Variants in MCTP1 observed in about 807,000 individuals in gnomAD.
MCTP1 encodes the protein multiple C2 and transmembrane domain containing 1.
Under a neutral mutation model 120.6 loss-of-function variants are expected in MCTP1, and 69 were observed. The ratio of observed to expected loss-of-function variants is 0.57; its 90% CI spans 0.47 to 0.70. The LOEUF is 0.70. Ranked by LOEUF, MCTP1 falls within the 30% of genes least tolerant of loss-of-function variation. The pLI, the probability that MCTP1 is intolerant of heterozygous loss-of-function variation, is 0.00. For synonymous variants in MCTP1, 529 were observed against 493.1 expected, an observed-to-expected ratio of 1.07 and a Z score of -0.96; for missense variants, 1,203 against 1,248.8, an observed-to-expected ratio of 0.96 and a Z score of 0.55.
At chr5:95,233,976 A>G (rs973528361) in intron 1 of MCTP1, among the ~76,000 whole-genome samples, 1 of 152,102 alleles carries the variant, frequency 6.6e-6, no homozygotes, top group African/African-American at 2.4e-5. Context: ...GACTATCAAT[A>G]AAACTGATAA....
intron 2 of MCTP1, among the ~76,000 whole-genome samples, chr5:94,973,990 T>G (rs945449026): frequency 1.3e-5 from 2 of 152,116 alleles, no homozygotes; most frequent in Non-Finnish European, 2.9e-5. Context: ...TTTAATTACA[T>G]AATACATATC....
chr5:94,753,406 T>C (rs1768966986), intron 19 of MCTP1, among the ~76,000 whole-genome samples: 1 of 152,180 alleles, frequency 6.6e-6, no homozygotes, highest in Non-Finnish European at 1.5e-5. Flanking sequence ...GCAGTATTCT[T>C]ATAGGGAAAA....
At chr5:94,753,086 A>G (rs991439418) in intron 19 of MCTP1, among the ~76,000 whole-genome samples, 2 of 152,238 alleles carry the variant, frequency 1.3e-5, no homozygotes, top group Non-Finnish European at 2.9e-5. Flanking sequence ...ATGAACTCTC[A>G]GGTCCTAATT....
chr5:95,063,604 A>C (rs536662865), intron 1 of MCTP1, among the ~76,000 whole-genome samples: 1 of 152,180 alleles, frequency 6.6e-6, no homozygotes, highest in African/African-American at 2.4e-5. Context: ...ACTACAGCAC[A>C]CTCTTTATTC....
intron 8 of MCTP1, among the ~76,000 whole-genome samples, chr5:94,916,450 G>A (rs1810082417): frequency 6.6e-6 from 1 of 152,152 alleles, no homozygotes; most frequent in African/African-American, 2.4e-5. Context: ...GGGAGGTTGT[G>A]TGTTCAGGGG....
At chr5:94,792,401 C>A (rs1779171616) in intron 18 of MCTP1, 1 of 152,278 alleles carries the variant, frequency 6.6e-6, no homozygotes, top group African/African-American at 2.4e-5. Context: ...GTCATGAAGA[C>A]AAAAGGGGTT....
rs191187101 is a variant in MCTP1 at position 95,020,239 on chromosome 5, T to C, written c.721-2755A>G. On this transcript the variant is annotated intron_variant, in intron 1 of 22. Transcript: ENST00000515393. ...AGTGCTTCTTGAAGTTTAGCATGCA[T>C]AGAATTTGTAGAGTATCAGGTTTTA... 5.7e-4 allele frequency among the ~76,000 whole-genome samples: 87 copies of C among 152,162 alleles called. No homozygotes were observed. The South Asian group carries it at 9.9e-3, about 17-fold the overall frequency.
At position 94,982,884 on chromosome 5, in the gene MCTP1, C is replaced by CAA. The variant is rs34561115; in HGVS notation, c.839-29525_839-29524dup. Among the ~76,000 whole-genome samples the CAA allele has an allele frequency of 5.2e-3, 150 of 28,612 alleles. 15 individuals are homozygous for CAA. Among genetic ancestry groups the CAA allele is most frequent in the African/African-American group, 8.9e-3 (109 of 12,188 alleles). 18.8% of individuals were successfully genotyped at this position (28,612 alleles called of 152,430 possible). On this transcript the variant is annotated intron_variant, in intron 2 of 22. Coordinates refer to ENST00000515393, the MANE Select transcript of MCTP1 (RefSeq NM_024717.7). ...ACCTGGGGGACAGAGCACACTTCATCAAAAAAAAAAAAAAAAAAAAAAAAA... is the reference window on the plus strand; with the variant it reads ...ACCTGGGGGACAGAGCACACTTCATCAAAAAAAAAAAAAAAAAAAAAAAAAAA...
chr5:95,022,812 A>G (rs1581888605), intron 1 of MCTP1, among the ~76,000 whole-genome samples: 1 of 152,308 alleles, frequency 6.6e-6, no homozygotes, highest in African/African-American at 2.4e-5. Context: ...CTTAAAATGA[A>G]ACCCTGTCCA....
intron 5 of MCTP1, among the ~76,000 whole-genome samples, chr5:94,938,682 C>G (rs1489356103): frequency 1.3e-5 from 2 of 151,884 alleles, no homozygotes; most frequent in Non-Finnish European, 2.9e-5. Context: ...CTATTGTATC[C>G]TAAGTGTCTG....
chr5:95,283,077 C>G (rs917938685), intron 1 of MCTP1, among the ~76,000 whole-genome samples: 1 of 152,192 alleles, frequency 6.6e-6, no homozygotes, highest in Non-Finnish European at 1.5e-5. Context: ...AGTGCCTCTT[C>G]GAAATTGAGG....
At chr5:94,779,393 C>CA (rs1776117909) in intron 18 of MCTP1, among the ~76,000 whole-genome samples, 1 of 152,128 alleles carries the variant, frequency 6.6e-6, no homozygotes, top group South Asian at 2.1e-4. Context: ...TGTTTTGTGA[C>CA]AACCTAAAGA....
At chr5:94,824,012 T>G (rs1160240338) in intron 17 of MCTP1, among the ~76,000 whole-genome samples, 3 of 152,214 alleles carry the variant, frequency 2.0e-5, no homozygotes, top group Non-Finnish European at 4.4e-5. Context: ...CGACTTCTTC[T>G]CTTCCTATTT....
intron 1 of MCTP1, among the ~76,000 whole-genome samples, chr5:95,132,944 C>T (rs1759159184): frequency 6.6e-6 from 1 of 152,188 alleles, no homozygotes; most frequent in Non-Finnish European, 1.5e-5. Context: ...TACATTCCTC[C>T]ATGCTGCACT....
chr5:94,958,716 C>T (rs1487204195), intron 2 of MCTP1, among the ~76,000 whole-genome samples: 13 of 152,102 alleles, frequency 8.5e-5, no homozygotes, highest in Admixed American at 7.9e-4. Context: ...CAAGACTAAA[C>T]CAGGAGGAAG....
rs79192580 is a variant in MCTP1 at position 95,000,541 on chromosome 5, G to A, written c.838+16826C>T. Reference sequence around the variant, plus strand: ...CCTGTAGGCCTTGGCTAATGTGTGTGTTTGTGTCTTTGCTTTTAACAAAAA... The same window carrying A: ...CCTGTAGGCCTTGGCTAATGTGTGTATTTGTGTCTTTGCTTTTAACAAAAA... On this transcript the variant is annotated intron_variant, in intron 2 of 22. Coordinates refer to ENST00000515393, the MANE Select transcript of MCTP1 (RefSeq NM_024717.7). 2.9e-3 allele frequency among the ~76,000 whole-genome samples: 447 copies of A among 152,126 alleles called. 14 individuals are homozygous for A. In the East Asian group the frequency reaches 0.084, roughly 29 times the overall value.
chr5:95,260,204 T>C (rs1043027066), intron 1 of MCTP1, among the ~76,000 whole-genome samples: 9 of 152,192 alleles, frequency 5.9e-5, no homozygotes, highest in African/African-American at 1.4e-4. Context: ...AATATTAAAT[T>C]TGAACTCAAT....
At chr5:94,974,723 C>A (rs1282691780) in intron 2 of MCTP1, among the ~76,000 whole-genome samples, 1 of 151,478 alleles carries the variant, frequency 6.6e-6, no homozygotes, top group African/African-American at 2.4e-5. Context: ...AGAATATATG[C>A]ATGAAAAAAA....
At chr5:95,083,485 G>A (rs937561128) in intron 1 of MCTP1, among the ~76,000 whole-genome samples, 7 of 152,232 alleles carry the variant, frequency 4.6e-5, no homozygotes, top group African/African-American at 1.7e-4. Context: ...ACAACGCAGG[G>A]GTCAAGGATG....
Sources: gnomAD v4.1 joint callset for allele counts (sites outside exome capture counted in the v4.1 genomes callset) on GRCh38, gnomAD v4.1.1 for gene constraint, MANE v1.5 for transcripts, NCBI Gene and HGNC (gene_info 2026-07-23, HGNC 2026-07-21) for gene names.